Variants in WDR76 observed in about 807,000 individuals in gnomAD.
WDR76 encodes WD repeat domain 76.
WDR76 carries 52 observed loss-of-function variants against 70.2 expected under a neutral mutation model. The observed-to-expected ratio is 0.74, with a 90% CI of 0.59 to 0.93. The LOEUF (loss-of-function observed/expected upper bound fraction) is 0.93. WDR76 is among the 40% of genes least tolerant of loss of function. WDR76 has a pLI of 0.00. For missense variants in WDR76, 756 were observed against 760.2 expected (o/e 0.99, Z 0.07); for synonymous variants, 292 against 271.1 (o/e 1.08, Z -0.76).
intron 4 of WDR76, among the ~76,000 whole-genome samples, chr15:43,837,948 T>C (rs2141729600): frequency 6.6e-6 from 1 of 150,900 alleles, no homozygotes; most frequent in African/African-American, 2.4e-5. Flanking sequence ...CGATCTCGGC[T>C]CACTGCAACC....
chr15:43,832,785 T>C (rs1042453386), intron 2 of WDR76, among the ~76,000 whole-genome samples: 2 of 123,608 alleles, frequency 1.6e-5, no homozygotes, highest in Non-Finnish European at 3.3e-5. Context: ...CAGTCTCGGC[T>C]CTTGCCCTGG....
At chr15:43,836,868 T>TAA (rs779650391) in intron 4 of WDR76, among the ~76,000 whole-genome samples, 5 of 129,118 alleles carry the variant, frequency 3.9e-5, no homozygotes, top group Non-Finnish European at 8.3e-5. Flanking sequence ...CCATCGCTAC[T>TAA]AAAAAAAAAA....
At chr15:43,829,491 C>A (rs2087559675) in intron 2 of WDR76, among the ~76,000 whole-genome samples, 1 of 144,126 alleles carries the variant, frequency 6.9e-6, no homozygotes, top group Non-Finnish European at 1.5e-5. Flanking sequence ...GAGAGCCTAG[C>A]ATGGCCACTT....
chr15:43,836,235 A>C lies in WDR76; in HGVS notation c.608+19A>C. On this transcript the variant is annotated intron_variant, in intron 4 of 12. Coordinates refer to ENST00000263795, the MANE Select transcript of WDR76 (RefSeq NM_024908.4). The stretch of plus-strand genomic sequence containing the variant: ...CCAAAAGGTAAAATATCTAGTTTGC[A>C]ATGCCTGAACCATGATACATTGCTC... 6.2e-7 allele frequency: 1 copy of C among 1,606,904 alleles called. No individual in the cohort carries two copies. The highest frequency in any genetic ancestry group is 8.5e-7 in the Non-Finnish European group (1 of 1,176,676).
intron 8 of WDR76, among the ~76,000 whole-genome samples, chr15:43,844,345 C>T (rs553939650): frequency 5.0e-4 from 76 of 152,246 alleles, no homozygotes; most frequent in South Asian, 3.9e-3. Flanking sequence ...TGGCCGGGTG[C>T]GGTGGGTCAC....
At chr15:43,828,449 C>A (rs929785137) in intron 2 of WDR76, 83 bp downstream of exon 2, 2 of 1,297,472 alleles carry the variant, frequency 1.5e-6, no homozygotes, top group Non-Finnish European at 2.1e-6. Context: ...TCGAGGATCT[C>A]TCTGGTACAA....
At chr15:43,839,753 T>C (rs2087701437) in intron 5 of WDR76, 25 bp downstream of exon 5, 1 of 1,566,412 alleles carries the variant, frequency 6.4e-7, no homozygotes, top group Non-Finnish European at 8.6e-7. Context: ...AAATATAATA[T>C]TTTAATGTAA....
Position 43,867,748 on chromosome 15 carries a change from T to C in WDR76, c.*1356T>C, listed in dbSNP as rs925907847. 6.6e-6 allele frequency: 1 copy of C among 152,156 alleles called. No individual in the cohort carries two copies. The highest frequency in any genetic ancestry group is 2.4e-5 in the African/African-American group (1 of 41,432). 9.4% of individuals were successfully genotyped at this position (152,156 alleles called of 1,614,324 possible). ...TATTTGGGGGAATATTATGAAATAC[T>C]CACCACTTTTGGTATTTTATGAAAA... On this transcript the variant is annotated 3_prime_UTR_variant, in exon 13 of 13. Coordinates refer to ENST00000263795, the MANE Select transcript of WDR76 (RefSeq NM_024908.4).
chr15:43,864,832 GA>G, intron 12 of WDR76, among the ~76,000 whole-genome samples: 1 of 152,140 alleles, frequency 6.6e-6, no homozygotes, highest in South Asian at 2.1e-4. Flanking sequence ...GACCTCAGAT[GA>G]TCCACCTTCC....
At chr15:43,834,532 G>A (rs561226727) in intron 2 of WDR76, among the ~76,000 whole-genome samples, 5 of 149,608 alleles carry the variant, frequency 3.3e-5, no homozygotes, top group Admixed American at 2.0e-4. Flanking sequence ...GGCTGGTCTC[G>A]AACTCCTGAC....
At chr15:43,863,559 TAAAA>T (rs68110552) in intron 12 of WDR76, among the ~76,000 whole-genome samples, 15 of 139,044 alleles carry the variant, frequency 1.1e-4, no homozygotes, top group South Asian at 2.3e-4. Context: ...CTCTCTTTTT[TAAAA>T]AAAAAAAAAA....
intron 4 of WDR76, among the ~76,000 whole-genome samples, chr15:43,836,970 G>A (rs2087663869): frequency 6.6e-6 from 1 of 150,970 alleles, no homozygotes; most frequent in Non-Finnish European, 1.5e-5. Flanking sequence ...AACCCGGGAG[G>A]CAGAGGTCAT....
At chr15:43,852,844 T>C (rs1292367906) in intron 9 of WDR76, among the ~76,000 whole-genome samples, 3 of 152,240 alleles carry the variant, frequency 2.0e-5, no homozygotes, top group Non-Finnish European at 4.4e-5. Context: ...CCACATTTTA[T>C]TCATCTGTTC....
At chr15:43,838,286 A>C (rs1181148609) in intron 4 of WDR76, among the ~76,000 whole-genome samples, 1 of 152,162 alleles carries the variant, frequency 6.6e-6, no homozygotes, top group African/African-American at 2.4e-5. Flanking sequence ...CCCAGGTTCA[A>C]GCAATTCTCA....
chr15:43,857,787 C>T (rs1023751583), intron 10 of WDR76, among the ~76,000 whole-genome samples: 1 of 145,644 alleles, frequency 6.9e-6, no homozygotes, highest in African/African-American at 2.6e-5. Context: ...CCATTGCATT[C>T]CAGCCTGGAT....
intron 9 of WDR76, among the ~76,000 whole-genome samples, chr15:43,854,430 G>A (rs1269597411): frequency 6.6e-6 from 1 of 151,902 alleles, no homozygotes; most frequent in Non-Finnish European, 1.5e-5. Flanking sequence ...TTAGCTGGGC[G>A]TGGTAGCATG....
At chr15:43,862,517 G>A (rs1003322811) in intron 12 of WDR76, among the ~76,000 whole-genome samples, 1 of 137,548 alleles carries the variant, frequency 7.3e-6, no homozygotes, top group Non-Finnish European at 1.6e-5. Flanking sequence ...TTGTTTTTTT[G>A]TTTTTTTTTG....
At chr15:43,848,061 C>G (rs1412362002) in intron 8 of WDR76, among the ~76,000 whole-genome samples, 1 of 149,232 alleles carries the variant, frequency 6.7e-6, no homozygotes, top group Non-Finnish European at 1.5e-5. Flanking sequence ...AGATGCCTGT[C>G]TCTTAAAAAA....
intron 8 of WDR76, among the ~76,000 whole-genome samples, chr15:43,849,129 C>G (rs1289968779): frequency 7.0e-6 from 1 of 143,222 alleles, no homozygotes; most frequent in Non-Finnish European, 1.5e-5. Flanking sequence ...GAGCTGAGAT[C>G]GTGCCACTGC....
Sources: allele counts gnomAD v4.1 joint callset (sites outside exome capture counted in the v4.1 genomes callset), GRCh38; gene constraint gnomAD v4.1.1; transcripts MANE v1.5; gene names NCBI Gene and HGNC (gene_info 2026-07-23, HGNC 2026-07-21).